Variants in AKT3 observed in about 807,000 individuals in gnomAD.
AKT3 encodes RAC-gamma serine/threonine-protein kinase.
Under a neutral mutation model 65.3 loss-of-function variants are expected in AKT3, and 15 were observed. The observed-to-expected ratio is 0.23, with a 90% CI of 0.15 to 0.35. AKT3 has a LOEUF of 0.35. AKT3 is among the 10% of genes least tolerant of loss of function. The probability of loss-of-function intolerance (pLI) is 1.00; values close to 1 mark genes in which losing one functional copy is unlikely to be tolerated. For missense variants in AKT3, 243 were observed against 576.5 expected (o/e 0.42, Z 5.92); for synonymous variants, 206 against 183.8 (o/e 1.12, Z -0.98).
chr1:243,605,929 TAGTG>T (rs1304091962), intron 8 of AKT3, among the ~76,000 whole-genome samples: 3 of 152,190 alleles, frequency 2.0e-5, no homozygotes, highest in African/African-American at 2.4e-5. Flanking sequence ...GTTCTGCTGA[TAGTG>T]AGTGAGTTCT....
At chr1:243,552,287 T>C (rs1574593314) in intron 11 of AKT3, among the ~76,000 whole-genome samples, 1 of 944 alleles carries the variant, frequency 1.1e-3, no homozygotes, top group African/African-American at 1.4e-3. Context: ...AGACTCTGTC[T>C]CAAAAAAAAA....
At chr1:243,739,948 C>T (rs949462794) in intron 2 of AKT3, among the ~76,000 whole-genome samples, 1 of 152,218 alleles carries the variant, frequency 6.6e-6, no homozygotes, top group African/African-American at 2.4e-5. Context: ...AGAACTGGAT[C>T]ACTATTGCTC....
At chr1:243,832,597 CTG>C (rs1366800632) in intron 2 of AKT3, among the ~76,000 whole-genome samples, 1 of 152,178 alleles carries the variant, frequency 6.6e-6, no homozygotes, top group Non-Finnish European at 1.5e-5. Context: ...AGGAAACTGA[CTG>C]TAAAGAAGGG....
At chr1:243,770,689 A>G (rs1467721037) in intron 2 of AKT3, among the ~76,000 whole-genome samples, 2 of 151,614 alleles carry the variant, frequency 1.3e-5, no homozygotes, top group African/African-American at 4.8e-5. Context: ...TTTGTGTTTG[A>G]GAGATACCTA....
intron 3 of AKT3, among the ~76,000 whole-genome samples, chr1:243,669,380 A>T (rs1233248403): frequency 6.6e-6 from 1 of 152,204 alleles, no homozygotes; most frequent in Admixed American, 6.5e-5. Context: ...TATGGGGTAC[A>T]GAGAAATACA....
chr1:243,790,067 T>C (rs370977560), intron 2 of AKT3, among the ~76,000 whole-genome samples: 2 of 152,198 alleles, frequency 1.3e-5, no homozygotes, highest in South Asian at 2.1e-4. Flanking sequence ...TTAAGGGTCC[T>C]AGGATTTTTG....
At chr1:243,595,372 A>G (rs1182093743) in intron 8 of AKT3, among the ~76,000 whole-genome samples, 9 of 152,242 alleles carry the variant, frequency 5.9e-5, no homozygotes, top group Non-Finnish European at 1.0e-4. Flanking sequence ...TGGCGAGTGA[A>G]TATGAAGGCC....
chr1:243,741,367 A>C (rs1475315010), intron 2 of AKT3, among the ~76,000 whole-genome samples: 6 of 152,194 alleles, frequency 3.9e-5, no homozygotes. Context: ...CTTTATTAAG[A>C]AGCATTCACC....
At chr1:243,692,699 T>C (rs1684774265) in intron 3 of AKT3, among the ~76,000 whole-genome samples, 1 of 151,922 alleles carries the variant, frequency 6.6e-6, no homozygotes, top group Non-Finnish European at 1.5e-5. Flanking sequence ...GATCATGCCA[T>C]TGCACTCCAG....
chr1:243,675,210 T>G (rs935798713), intron 3 of AKT3, among the ~76,000 whole-genome samples: 1 of 151,990 alleles, frequency 6.6e-6, no homozygotes, highest in South Asian at 2.1e-4. Flanking sequence ...CAAAGTCACT[T>G]TTTTTTTGAG....
chr1:243,565,495 G>C (rs890676834), intron 9 of AKT3, among the ~76,000 whole-genome samples: 10 of 152,142 alleles, frequency 6.6e-5, no homozygotes, highest in African/African-American at 2.4e-4. Context: ...AAAGTTCTGG[G>C]ATTACAGGCA....
At chr1:243,765,568 A>G (rs1333568145) in intron 2 of AKT3, among the ~76,000 whole-genome samples, 3 of 152,136 alleles carry the variant, frequency 2.0e-5, no homozygotes, top group African/African-American at 7.2e-5. Flanking sequence ...TAACAGGATA[A>G]ATAAGTTATA....
At chr1:243,701,521 A>G (rs1026972219) in intron 2 of AKT3, among the ~76,000 whole-genome samples, 1 of 152,160 alleles carries the variant, frequency 6.6e-6, no homozygotes. Flanking sequence ...ATACAATCCA[A>G]TTGAAAAGAA....
In AKT3 at chr1:243,711,471, C is replaced by T. The variant is rs1245549709; in HGVS notation, c.47-15755G>A. Among the ~76,000 whole-genome samples, 13 of 152,140 alleles carry T rather than the reference C, an allele frequency of 8.5e-5. 2 individuals are homozygous for T. The highest frequency in any genetic ancestry group is 8.5e-4 in the Admixed American group (13 of 15,272). ...TTTCCCTCCACATTTATAAAACAAT[C>T]ATATATCCCTAAATAAACATAAGGT... is the stretch of plus-strand genomic sequence containing the variant. On this transcript the variant is annotated intron_variant, in intron 2 of 13. Transcript: ENST00000673466.
intron 2 of AKT3, among the ~76,000 whole-genome samples, chr1:243,791,451 C>T (rs1159018435): frequency 6.6e-6 from 1 of 151,804 alleles, no homozygotes; most frequent in Non-Finnish European, 1.5e-5. Context: ...TCCTCAAAAA[C>T]GCAATACGCC....
At chr1:243,498,051 T>TAA (rs5782264), downstream of AKT3, among the ~76,000 whole-genome samples, 8,808 of 152,252 alleles carry the variant, frequency 0.058, 832 homozygotes, top group African/African-American at 0.2. Flanking sequence ...CTAGCATTTC[T>TAA]AAAGTTAGGA....
intron 8 of AKT3, among the ~76,000 whole-genome samples, chr1:243,603,452 C>G (rs1677161988): frequency 6.6e-6 from 1 of 152,152 alleles, no homozygotes; most frequent in Non-Finnish European, 1.5e-5. Context: ...CAGGATCCTC[C>G]TTAGGCTTCT....
At chr1:243,820,171 G>A (rs894572523) in intron 2 of AKT3, among the ~76,000 whole-genome samples, 3 of 151,900 alleles carry the variant, frequency 2.0e-5, no homozygotes, top group Non-Finnish European at 4.4e-5. Context: ...CACCTGCCTC[G>A]GCCTCCCAAA....
At chr1:243,843,505 T>C (rs1022895943) in intron 1 of AKT3, 43 of 1,084,270 alleles carry the variant, frequency 4.0e-5, no homozygotes, top group African/African-American at 1.1e-4. Flanking sequence ...ACCTAAGAGG[T>C]TGCAACAAAA....
Sources: allele counts gnomAD v4.1 joint callset (sites outside exome capture counted in the v4.1 genomes callset), GRCh38; gene constraint gnomAD v4.1.1; transcripts MANE v1.5; gene names NCBI Gene and HGNC (gene_info 2026-07-23, HGNC 2026-07-21).